The following PIWIL2 variants were observed in gnomAD, a reference collection of about 807,000 sequenced individuals.
The protein encoded by PIWIL2 is piwi like RNA-mediated gene silencing 2, also known as piwi-like protein 2.
Under a neutral mutation model 116.5 loss-of-function variants are expected in PIWIL2, and 81 were observed. The observed-to-expected ratio is 0.70, with a 90% CI of 0.58 to 0.84. The LOEUF is 0.84. PIWIL2 is among the 40% of genes least tolerant of loss of function. The probability of loss-of-function intolerance (pLI) is 0.00; values close to 1 mark genes in which losing one functional copy is unlikely to be tolerated. For synonymous variants in PIWIL2, 489 were observed against 429.5 expected (o/e 1.14, Z -1.71); for missense variants, 1,272 against 1,212.3 (o/e 1.05, Z -0.73).
chr8:22,294,899 GGAAAAAAA>G lies in PIWIL2; in HGVS notation c.1181+4554_1181+4561del, dbSNP rs1225519016. ...AACATGGTGAAATCCCATCTTTACTGGAAAAAAAAAAAAAAAAAAAAAAAAAAAAATTA... is the reference window on the plus strand; with the variant it reads ...AACATGGTGAAATCCCATCTTTACTGAAAAAAAAAAAAAAAAAAAAAATTA... On this transcript the variant is annotated intron_variant, in intron 10 of 22. Transcript: ENST00000356766. Among the ~76,000 whole-genome samples the G allele has an allele frequency of 5.4e-3, 429 of 79,412 alleles. 12 individuals carry two copies. The highest frequency in any genetic ancestry group is 0.028 in the African/African-American group (402 of 14,432). The allele number at this position is 79,412 out of a possible 152,430, so 52.1% of individuals were successfully genotyped here.
At chr8:22,325,482 T>G (rs1371533550) in intron 20 of PIWIL2, among the ~76,000 whole-genome samples, 1 of 13,690 alleles carries the variant, frequency 7.3e-5, no homozygotes, top group Non-Finnish European at 4.1e-4. Flanking sequence ...TGATTTAGTC[T>G]TTTTTTTTTT....
intron 20 of PIWIL2, among the ~76,000 whole-genome samples, chr8:22,332,303 C>CT (rs1231273451): frequency 6.6e-6 from 1 of 152,050 alleles, no homozygotes; most frequent in Non-Finnish European, 1.5e-5. Context: ...CAGTGAGACT[C>CT]TGTCTCTCAA....
intron 20 of PIWIL2, among the ~76,000 whole-genome samples, chr8:22,346,189 A>T (rs1369841017): frequency 6.6e-6 from 1 of 152,138 alleles, no homozygotes; most frequent in Non-Finnish European, 1.5e-5. Flanking sequence ...ACACCACTGC[A>T]CTCAGGCCTG....
chr8:22,325,602 G>C (rs1164461333), intron 20 of PIWIL2, among the ~76,000 whole-genome samples: 2 of 146,098 alleles, frequency 1.4e-5, no homozygotes, highest in African/African-American at 5.0e-5. Context: ...TCCTGTCTCA[G>C]CCTGCCAAGT....
intron 6 of PIWIL2, among the ~76,000 whole-genome samples, chr8:22,285,248 G>A (rs183402961): frequency 0.026 from 3,885 of 152,186 alleles, 89 homozygotes; most frequent in Middle Eastern, 0.041. Context: ...CCAGCCTCTG[G>A]TAGCCACCTT....
intron 16 of PIWIL2, among the ~76,000 whole-genome samples, chr8:22,312,859 T>C (rs1000046516): frequency 2.6e-5 from 4 of 152,164 alleles, no homozygotes; most frequent in African/African-American, 9.7e-5. Context: ...CAGGCTGATC[T>C]CAAACTCCCA....
chr8:22,330,629 G>T (rs532370427), intron 20 of PIWIL2, among the ~76,000 whole-genome samples: 1 of 151,530 alleles, frequency 6.6e-6, no homozygotes, highest in African/African-American at 2.4e-5. Context: ...CCTGGGAGGC[G>T]GAGGTTGCAG....
At chr8:22,289,633 G>C (rs1185591982) in intron 8 of PIWIL2, among the ~76,000 whole-genome samples, 1 of 152,232 alleles carries the variant, frequency 6.6e-6, no homozygotes, top group Non-Finnish European at 1.5e-5. Flanking sequence ...AAGTGGAAAA[G>C]ACTGCTGTCA....
At chr8:22,304,299 C>G (rs1224667470) in intron 11 of PIWIL2, 90 bp downstream of exon 11, 1 of 746,096 alleles carries the variant, frequency 1.3e-6, no homozygotes, top group Non-Finnish European at 2.3e-6. Context: ...CAATAGCATA[C>G]CACTTGACAC....
Position 22,314,285 on chromosome 8 carries a change from G to A in PIWIL2, c.1990-43G>A. The A allele has an allele frequency of 2.7e-6, 3 of 1,111,790 alleles. No individual in the cohort carries two copies. In the South Asian group the frequency reaches 6.3e-5, roughly 23 times the overall value. The allele number at this position is 1,111,790 out of a possible 1,614,324, so 68.9% of individuals were successfully genotyped here. A position where few individuals can be genotyped will look rare whatever the true frequency, so the allele number is the denominator to read the frequency against. ...AACTAGAGTCCTGTAAAAGTCCCCA[G>A]AGAATTCCACAGCCTGACTTGTATA... On this transcript the variant is annotated intron_variant, in intron 16 of 22. Coordinates refer to ENST00000356766, the MANE Select transcript of PIWIL2 (RefSeq NM_018068.5).
Position 22,356,861 on chromosome 8 carries a change from C to A in PIWIL2, c.*1356C>A, listed in dbSNP as rs2290274. Reference sequence around the variant, plus strand: ...AACCCGTTTTTTTCTGGTTTTTTTTCCCCCCTCTCCATTTTAGAATCTTCT... The same window carrying A: ...AACCCGTTTTTTTCTGGTTTTTTTTACCCCCTCTCCATTTTAGAATCTTCT... On this transcript the variant is annotated 3_prime_UTR_variant, in exon 23 of 23. Transcript: ENST00000356766. 1 of 151,388 alleles carries A rather than the reference C, an allele frequency of 6.6e-6. No homozygotes were observed. The highest frequency in any genetic ancestry group is 1.5e-5 in the Non-Finnish European group (1 of 67,852). The allele number at this position is 151,388 out of a possible 1,614,324, so 9.4% of individuals were successfully genotyped here.
At chr8:22,333,134 C>T (rs1229824718) in intron 20 of PIWIL2, among the ~76,000 whole-genome samples, 1 of 152,026 alleles carries the variant, frequency 6.6e-6, no homozygotes. Flanking sequence ...AGATGTTGTA[C>T]TCTCTAGGGT....
At chr8:22,285,224 A>G (rs1019747736) in intron 6 of PIWIL2, among the ~76,000 whole-genome samples, 1 of 152,162 alleles carries the variant, frequency 6.6e-6, no homozygotes, top group African/African-American at 2.4e-5. Context: ...CCATTTCTCC[A>G]TACCCCTCAA....
At chr8:22,287,756 C>T in intron 7 of PIWIL2, 111 bp downstream of exon 7, 1 of 720,828 alleles carries the variant, frequency 1.4e-6, no homozygotes, top group Non-Finnish European at 2.5e-6. Context: ...CCAGACTGGT[C>T]TCGAATTCCC....
intron 10 of PIWIL2, among the ~76,000 whole-genome samples, chr8:22,302,259 G>A (rs748800055): frequency 1.3e-5 from 2 of 151,930 alleles, no homozygotes; most frequent in Non-Finnish European, 1.5e-5. Context: ...TTGGCTCACT[G>A]CAATCACTGC....
Position 22,287,594 on chromosome 8 carries a change from C to A in PIWIL2, c.810C>A (p.Asn270Lys). ...MLKDHQAVTGNVTAFDGSILY... is the reference protein window; with the variant it reads ...MLKDHQAVTGKVTAFDGSILY... ...AGGACCATCAAGCTGTCACCGGCAA[C>A]GTCACTGCGTTTGATGGATCTATTC... The change falls in exon 7 of 23, where the codon AAC becomes AAA. Residue 270 changes from asparagine (N) to lysine (K), a missense_variant. Transcript: ENST00000356766. 6.2e-7 allele frequency: 1 copy of A among 1,613,662 alleles called. No homozygotes were observed. Among genetic ancestry groups the A allele is most frequent in the Non-Finnish European group, 8.5e-7 (1 of 1,179,564 alleles).
chr8:22,282,244 CTTTTTTTT>C (rs34130038), intron 4 of PIWIL2, among the ~76,000 whole-genome samples: 7 of 33,570 alleles, frequency 2.1e-4, no homozygotes, highest in Non-Finnish European at 3.2e-4. Flanking sequence ...CCACACCCGG[CTTTTTTTT>C]TTTTTTTTTT....
At chr8:22,355,183 C>A (rs958400315) in intron 22 of PIWIL2, among the ~76,000 whole-genome samples, 166 bp from the exon 23 acceptor site, 8 of 151,944 alleles carry the variant, frequency 5.3e-5, no homozygotes, top group Non-Finnish European at 1.2e-4. Flanking sequence ...AAAAACAAGT[C>A]CATTTAAAAA....
intron 20 of PIWIL2, among the ~76,000 whole-genome samples, chr8:22,323,053 A>G (rs868476166): frequency 1.3e-5 from 2 of 151,134 alleles, no homozygotes; most frequent in African/African-American, 4.9e-5. Flanking sequence ...AGCTGGGACC[A>G]CAGGCACACA....
Sources: allele counts gnomAD v4.1 joint callset (sites outside exome capture counted in the v4.1 genomes callset), GRCh38; gene constraint gnomAD v4.1.1; transcripts MANE v1.5; gene names NCBI Gene and HGNC (gene_info 2026-07-23, HGNC 2026-07-21).